The following ZFHX3 variants were observed in gnomAD, a reference collection of about 807,000 sequenced individuals.
ZFHX3 encodes the protein zinc finger homeobox protein 3.
Under a neutral mutation model 279.1 loss-of-function variants are expected in ZFHX3, and 42 were observed. The ratio of observed to expected loss-of-function variants is 0.15; its 90% CI spans 0.12 to 0.19. ZFHX3 has a LOEUF of 0.19. ZFHX3 is among the 10% of genes least tolerant of loss of function. ZFHX3 has a pLI of 1.00. For missense variants in ZFHX3, 4,981 were observed against 4,754.0 expected (o/e 1.05, Z -1.40); for synonymous variants, 2,293 against 1,957.8 (o/e 1.17, Z -4.52).
At chr16:73,005,035 G>C (rs1963654620) in intron 1 of ZFHX3, among the ~76,000 whole-genome samples, 1 of 152,188 alleles carries the variant, frequency 6.6e-6, no homozygotes, top group Non-Finnish European at 1.5e-5. Context: ...TGCAGTGATA[G>C]AGATCACTGG....
chr16:72,951,553 C>T (rs965801379), intron 2 of ZFHX3, among the ~76,000 whole-genome samples: 12 of 152,190 alleles, frequency 7.9e-5, no homozygotes, highest in African/African-American at 2.9e-4. Flanking sequence ...TGAGCCACCG[C>T]GCCCAGCCAC....
intron 3 of ZFHX3, among the ~76,000 whole-genome samples, chr16:73,446,871 C>A (rs1481391868): frequency 6.6e-6 from 1 of 152,004 alleles, no homozygotes; most frequent in East Asian, 1.9e-4. Context: ...TGCACATGTA[C>A]CCCTGAACTT....
At chr16:73,876,957 G>A (rs1048784709) in intron 1 of ZFHX3, among the ~76,000 whole-genome samples, 2 of 150,928 alleles carry the variant, frequency 1.3e-5, no homozygotes, top group East Asian at 3.9e-4. Context: ...AGCCAATTTG[G>A]ACTTACTAAA....
intron 3 of ZFHX3, among the ~76,000 whole-genome samples, chr16:73,418,940 C>T (rs2161675): frequency 0.088 from 13,405 of 152,218 alleles, 627 homozygotes; most frequent in African/African-American, 0.095. Flanking sequence ...AAGCCACCTC[C>T]CAATTCCAGA....
intron 5 of ZFHX3, among the ~76,000 whole-genome samples, chr16:73,241,230 C>A (rs1022057501): frequency 2.6e-5 from 4 of 152,194 alleles, no homozygotes; most frequent in African/African-American, 9.7e-5. Context: ...TTCTTTTGAG[C>A]TAAATCTTGC....
intron 2 of ZFHX3, among the ~76,000 whole-genome samples, chr16:73,541,648 C>A (rs1406610700): frequency 1.3e-5 from 2 of 152,070 alleles, no homozygotes. Context: ...CCTGGTCCTG[C>A]CATCACCCCT....
intron 1 of ZFHX3, among the ~76,000 whole-genome samples, chr16:72,971,647 G>A (rs371201510): frequency 3.9e-5 from 6 of 152,054 alleles, no homozygotes; most frequent in Non-Finnish European, 5.9e-5. Flanking sequence ...CCTCTGGAAC[G>A]TGCCAAACTG....
intron 3 of ZFHX3, among the ~76,000 whole-genome samples, chr16:73,360,376 T>C (rs1157791607): frequency 6.6e-6 from 1 of 152,236 alleles, no homozygotes; most frequent in Non-Finnish European, 1.5e-5. Context: ...GCTTACTCTG[T>C]TGCCCAGGCT....
At chr16:73,861,493 C>G (rs1056349940) in intron 1 of ZFHX3, among the ~76,000 whole-genome samples, 9 of 152,242 alleles carry the variant, frequency 5.9e-5, no homozygotes, top group Non-Finnish European at 1.3e-4. Context: ...TGAGGAAGCT[C>G]TTCATACCTC....
intron 1 of ZFHX3, among the ~76,000 whole-genome samples, chr16:73,881,997 A>G (rs12446615): frequency 0.45 from 68,872 of 151,940 alleles, 18,506 homozygotes; most frequent in Admixed American, 0.61. Flanking sequence ...TTTTATCGTC[A>G]GTTGCTAAAT....
chr16:73,277,885 A>T (rs773387343), intron 4 of ZFHX3, among the ~76,000 whole-genome samples: 5 of 152,194 alleles, frequency 3.3e-5, no homozygotes, highest in Non-Finnish European at 5.9e-5. Context: ...AAGGTGTCTT[A>T]CAAGGCAGGA....
intron 5 of ZFHX3, among the ~76,000 whole-genome samples, chr16:72,823,106 G>T (rs900534619): frequency 4.6e-5 from 7 of 152,166 alleles, no homozygotes; most frequent in African/African-American, 1.7e-4. Flanking sequence ...GGGAGTGAGA[G>T]AAGGGGGCAC....
chr16:73,644,922 G>C (rs970908269), intron 2 of ZFHX3, among the ~76,000 whole-genome samples: 6 of 152,184 alleles, frequency 3.9e-5, no homozygotes, highest in African/African-American at 1.2e-4. Context: ...AGCCACAGCA[G>C]AGGCTGACAC....
At chr16:73,782,909 G>C (rs941260398) in intron 1 of ZFHX3, among the ~76,000 whole-genome samples, 2 of 152,188 alleles carry the variant, frequency 1.3e-5, no homozygotes, top group African/African-American at 4.8e-5. Context: ...GAGTTAATTT[G>C]TTACCACAGC....
intron 1 of ZFHX3, among the ~76,000 whole-genome samples, chr16:73,046,568 A>G (rs906838472): frequency 7.9e-5 from 12 of 152,098 alleles, no homozygotes; most frequent in Non-Finnish European, 1.3e-4. Flanking sequence ...TGAATTCAGG[A>G]ATGAGGGAAC....
At chr16:73,123,151 G>A (rs1966520481) in intron 7 of ZFHX3, 1 of 150,770 alleles carries the variant, frequency 6.6e-6, no homozygotes, top group Non-Finnish European at 1.5e-5. Flanking sequence ...GATACAGGAT[G>A]TGAAGTTGTC....
chr16:73,763,888 A>G (rs1467955445), intron 1 of ZFHX3, among the ~76,000 whole-genome samples: 1 of 140,926 alleles, frequency 7.1e-6, no homozygotes, highest in Non-Finnish European at 1.5e-5. Flanking sequence ...CTGCGACCAA[A>G]AGGAAATGAA....
intron 2 of ZFHX3, among the ~76,000 whole-genome samples, chr16:73,478,712 G>C (rs2018812762): frequency 6.6e-6 from 1 of 152,146 alleles, no homozygotes; most frequent in Non-Finnish European, 1.5e-5. Flanking sequence ...CGTACAGGAT[G>C]ATTGCAAATC....
chr16:73,658,144 T>C (rs1259129229), intron 2 of ZFHX3, among the ~76,000 whole-genome samples: 1 of 152,166 alleles, frequency 6.6e-6, no homozygotes, highest in African/African-American at 2.4e-5. Flanking sequence ...ACAATTAACA[T>C]TACATTTATT....
Sources: allele counts gnomAD v4.1 joint callset (sites outside exome capture counted in the v4.1 genomes callset), GRCh38; gene constraint gnomAD v4.1.1; transcripts MANE v1.5; gene names NCBI Gene and HGNC (gene_info 2026-07-23, HGNC 2026-07-21).